KAZN: variants seen among roughly 807,000 people sequenced by gnomAD.
KAZN encodes kazrin.
Under a neutral mutation model 87.4 loss-of-function variants are expected in KAZN, and 40 were observed. The ratio of observed to expected loss-of-function variants is 0.46; its 90% CI spans 0.36 to 0.60. The LOEUF (loss-of-function observed/expected upper bound fraction) is 0.60, where lower values mean the gene tolerates loss of function less well. Among genes scored for constraint, KAZN ranks in the 20% least tolerant of loss-of-function variants. The pLI is 0.00. For synonymous variants in KAZN, 466 were observed against 458.3 expected, an observed-to-expected ratio of 1.02 and a Z score of -0.22; for missense variants, 898 against 1,073.9, an observed-to-expected ratio of 0.84 and a Z score of 2.29.
In KAZN at chr1:14,104,923, A is replaced by AT. The variant is rs530851690; in HGVS notation, c.92-75505dup. ...ATTTTTTTCCCAGAAATTGTATGCA[A>AT]TTTTTTTGGTCAAATCCCCTTTGGT... On this transcript the variant is annotated intron_variant, in intron 1 of 16. Coordinates refer to the KAZN transcript ENST00000636203. Among the ~76,000 whole-genome samples, 212 of 152,132 alleles carry AT rather than the reference A, an allele frequency of 1.4e-3. 1 individual carries two copies. In the Middle Eastern group the frequency reaches 0.02, roughly 15 times the overall value.
intron 2 of KAZN, among the ~76,000 whole-genome samples, chr1:14,537,515 C>T (rs917515957): frequency 1.3e-5 from 2 of 152,226 alleles, no homozygotes; most frequent in Non-Finnish European, 2.9e-5. Flanking sequence ...CCAGCTGTTT[C>T]CTAACCCATC....
intron 13 of KAZN, chr1:15,112,188 T>C (rs1193019213): frequency 5.4e-6 from 3 of 557,866 alleles, no homozygotes; most frequent in Non-Finnish European, 9.7e-6. Context: ...TTGCTGTCTC[T>C]GGCCTCCTTT....
chr1:14,384,294 G>C (rs1302370366), intron 2 of KAZN, among the ~76,000 whole-genome samples: 2 of 151,312 alleles, frequency 1.3e-5, no homozygotes, highest in African/African-American at 4.9e-5. Context: ...TTTCCTAATT[G>C]AATACCCTTT....
At chr1:14,825,005 A>G (rs1259415844) in intron 1 of KAZN, among the ~76,000 whole-genome samples, 1 of 152,238 alleles carries the variant, frequency 6.6e-6, no homozygotes, top group Non-Finnish European at 1.5e-5. Context: ...TGAGCCCCAA[A>G]TGCTGTTCCA....
At chr1:14,282,974 C>T (rs566993265) in intron 2 of KAZN, among the ~76,000 whole-genome samples, 6 of 152,266 alleles carry the variant, frequency 3.9e-5, no homozygotes, top group Non-Finnish European at 8.8e-5. Context: ...CTGCCCTTGT[C>T]GAGAATGAGG....
At position 14,599,619 on chromosome 1, in the gene KAZN, T is replaced by C. The variant is rs1676789634; in HGVS notation, c.226+396T>C. ...CACAGTTCCCCCCACTTCCTTAGGC[T>C]CCTTCCCAGAGAGAGCTCCGGGCTC... On this transcript the variant is annotated intron_variant, in intron 1 of 14. Coordinates refer to ENST00000376030, the MANE Select transcript of KAZN (RefSeq NM_201628.3). This position sits in a 1 kb window ranked among gnomAD's most constrained non-coding sequence, Gnocchi z 4.4. Among the ~76,000 whole-genome samples the C allele has an allele frequency of 6.6e-6, 1 of 152,164 alleles. No individual in the cohort carries two copies. Among genetic ancestry groups the C allele is most frequent in the Admixed American group, 6.5e-5 (1 of 15,280 alleles).
At chr1:14,545,266 G>C (rs1226108993) in intron 2 of KAZN, among the ~76,000 whole-genome samples, 1 of 152,132 alleles carries the variant, frequency 6.6e-6, no homozygotes, top group African/African-American at 2.4e-5. Context: ...CTTTGTCACA[G>C]AGGTAGCCAG....
intron 1 of KAZN, among the ~76,000 whole-genome samples, chr1:14,825,905 C>T (rs1646872366): frequency 6.6e-6 from 1 of 152,188 alleles, no homozygotes; most frequent in Non-Finnish European, 1.5e-5. Flanking sequence ...TCCAGGAGGG[C>T]ACATTGATAT....
At chr1:14,388,105 G>A (rs939885311) in intron 2 of KAZN, among the ~76,000 whole-genome samples, 4 of 152,178 alleles carry the variant, frequency 2.6e-5, no homozygotes, top group Admixed American at 2.0e-4. Context: ...CCCTTTCTTT[G>A]ACTAGGAAAG....
intron 1 of KAZN, among the ~76,000 whole-genome samples, chr1:14,760,481 G>T (rs570406030): frequency 4.1e-4 from 62 of 152,338 alleles, no homozygotes; most frequent in African/African-American, 1.4e-3. Context: ...GGCCCAGTTT[G>T]AACATGATTG....
At chr1:14,105,503 G>A (rs1338157705) in intron 1 of KAZN, among the ~76,000 whole-genome samples, 1 of 152,162 alleles carries the variant, frequency 6.6e-6, no homozygotes, top group East Asian at 1.9e-4. Flanking sequence ...GGAACCATGT[G>A]CCTCTGGGTT....
rs1008860194 is a variant in KAZN, at chr1:14,598,970, C to G, written c.-28C>G. 6.4e-7 allele frequency: 1 copy of G among 1,565,292 alleles called. No homozygotes were observed. The highest frequency in any genetic ancestry group is 8.6e-7 in the Non-Finnish European group (1 of 1,159,396). ...CGCATCATGCAGCTCTTTGTCACCT[C>G]TCTCGCCCCCAGGCCAAAATCCTGA... On this transcript the variant is annotated 5_prime_UTR_variant, in exon 1 of 15. Coordinates refer to ENST00000376030, the MANE Select transcript of KAZN (RefSeq NM_201628.3). This position sits in a 1 kb window ranked among gnomAD's most constrained non-coding sequence, Gnocchi z 4.2.
At chr1:14,534,777 G>T (rs1331476835) in intron 2 of KAZN, among the ~76,000 whole-genome samples, 7 of 152,132 alleles carry the variant, frequency 4.6e-5, no homozygotes, top group Admixed American at 6.6e-5. Context: ...AAGGGTTTTA[G>T]GCCACGGAAT....
chr1:14,647,449 G>A (rs1680889903), intron 1 of KAZN, among the ~76,000 whole-genome samples: 1 of 152,116 alleles, frequency 6.6e-6, no homozygotes, highest in African/African-American at 2.4e-5. Context: ...GTTACAGAAG[G>A]ACCAGTCAAT....
intron 1 of KAZN, among the ~76,000 whole-genome samples, chr1:13,990,805 A>C (rs559421497): frequency 6.6e-6 from 1 of 152,328 alleles, no homozygotes; most frequent in Non-Finnish European, 1.5e-5. Flanking sequence ...AAACGAATAT[A>C]CCTGCGATAA....
intron 2 of KAZN, among the ~76,000 whole-genome samples, chr1:14,433,138 C>T (rs183887198): frequency 7.1e-4 from 108 of 152,132 alleles, no homozygotes; most frequent in African/African-American, 1.9e-3. Context: ...CATGTTGTAG[C>T]ATGCAGTCCC....
intron 2 of KAZN, among the ~76,000 whole-genome samples, chr1:14,294,211 T>C (rs148687711): frequency 6.7e-4 from 102 of 152,296 alleles, no homozygotes; most frequent in African/African-American, 2.4e-3. Context: ...ATTTGCCTTA[T>C]GCCTTGTGTG....
intron 4 of KAZN, among the ~76,000 whole-genome samples, chr1:15,050,565 G>A (rs896066802): frequency 1.3e-5 from 2 of 152,174 alleles, no homozygotes; most frequent in African/African-American, 2.4e-5. Context: ...TAATGGCCAC[G>A]CTCTGAGTCT....
intron 2 of KAZN, among the ~76,000 whole-genome samples, chr1:14,970,282 C>A (rs757052403): frequency 1.3e-5 from 2 of 152,306 alleles, no homozygotes; most frequent in East Asian, 1.9e-4. Context: ...TCTCTTGTGT[C>A]GTGCTTGCTG....
Sources: allele counts gnomAD v4.1 joint callset (sites outside exome capture counted in the v4.1 genomes callset), GRCh38; gene constraint gnomAD v4.1.1; non-coding constraint Gnocchi (gnomAD v3.1); transcripts MANE v1.5; gene names NCBI Gene and HGNC (gene_info 2026-07-23, HGNC 2026-07-21).